Variants in GALNT5 observed in about 807,000 individuals in gnomAD.
GALNT5 encodes the protein UDP-GalNAc:polypeptide N-acetylgalactosaminyltransferase 5.
A neutral mutation model predicts 85.4 loss-of-function variants in GALNT5; 72 were observed. The ratio of observed to expected loss-of-function variants is 0.84; its 90% CI spans 0.70 to 1.03. The LOEUF is 1.03. GALNT5 is among the 50% of genes least tolerant of loss of function. The pLI is 0.00. For synonymous variants in GALNT5, 404 were observed against 397.0 expected, an observed-to-expected ratio of 1.02 and a Z score of -0.21; for missense variants, 1,137 against 1,135.5, an observed-to-expected ratio of 1.00 and a Z score of -0.02.
chr2:157,281,579 C>T (rs990345277), intron 1 of GALNT5, among the ~76,000 whole-genome samples: 3 of 151,972 alleles, frequency 2.0e-5, no homozygotes, highest in Non-Finnish European at 2.9e-5. Flanking sequence ...GGCATTCCCG[C>T]CTGGGTGACA....
chr2:157,262,131 A>C (rs1682354721), intron 1 of GALNT5, among the ~76,000 whole-genome samples: 1 of 151,686 alleles, frequency 6.6e-6, no homozygotes, highest in African/African-American at 2.4e-5. Context: ...TTTCCCCAAA[A>C]TCCACTGTTA....
chr2:157,290,804 G>T (rs4664865), intron 3 of GALNT5, among the ~76,000 whole-genome samples: 144,386 of 152,088 alleles, frequency 0.95, 68,636 homozygotes, highest in East Asian at 1. Context: ...CAGGGTATTA[G>T]GAGGCTCTCT....
chr2:157,292,981 C>A (rs930488019), intron 3 of GALNT5, among the ~76,000 whole-genome samples: 1 of 152,174 alleles, frequency 6.6e-6, no homozygotes, highest in African/African-American at 2.4e-5. Context: ...AGATTATAGG[C>A]GTGAGCCACC....
intron 5 of GALNT5, among the ~76,000 whole-genome samples, chr2:157,298,014 C>T (rs961851878): frequency 1.3e-5 from 2 of 152,124 alleles, no homozygotes; most frequent in African/African-American, 4.8e-5. Flanking sequence ...GCTGCTACTT[C>T]GATTGTTTTA....
Position 157,282,079 on chromosome 2 carries a change from A to G in GALNT5, c.1455-2203A>G, listed in dbSNP as rs58868937. Among the ~76,000 whole-genome samples the G allele has an allele frequency of 4.4e-3, 674 of 152,192 alleles. 5 individuals carry two copies. Among genetic ancestry groups the G allele is most frequent in the African/African-American group, 0.015 (633 of 41,488 alleles). On this transcript the variant is annotated intron_variant, in intron 1 of 9. Coordinates refer to ENST00000259056, the MANE Select transcript of GALNT5 (RefSeq NM_014568.3). ...CAGAAGTGCTAATGCATGGATCCTT[A>G]GTGTAGACTAATATTAGTTTAGACA...
intron 3 of GALNT5, among the ~76,000 whole-genome samples, chr2:157,291,253 G>A (rs762868830): frequency 6.6e-6 from 1 of 152,120 alleles, no homozygotes; most frequent in African/African-American, 2.4e-5. Flanking sequence ...TTCATGACAT[G>A]GCATTTGGCA....
chr2:157,289,852 A>C (rs1180942323), intron 3 of GALNT5, among the ~76,000 whole-genome samples: 1 of 152,060 alleles, frequency 6.6e-6, no homozygotes, highest in Non-Finnish European at 1.5e-5. Context: ...CAGGCAGATC[A>C]CCTGAAGTCA....
chr2:157,277,272 G>A (rs1682752210), intron 1 of GALNT5, among the ~76,000 whole-genome samples: 2 of 152,210 alleles, frequency 1.3e-5, no homozygotes, highest in African/African-American at 4.8e-5. Flanking sequence ...TAAGTGCGAT[G>A]TGGTGCTAAG....
At position 157,286,132 on chromosome 2, in the gene GALNT5, C is replaced by T. The variant is rs1682965161; in HGVS notation, c.1739C>T (p.Thr580Ile). 1 of 1,612,400 alleles carries T rather than the reference C, an allele frequency of 6.2e-7. No homozygotes were observed. Among genetic ancestry groups the T allele is most frequent in the Non-Finnish European group, 8.5e-7 (1 of 1,178,764 alleles). ...RARLAGAQNA[T>I]GDVLTFLDSH... ...AGGCTGGCAGGAGCACAGAATGCAA[C>T]AGGTAAGAAGTTACTCATTTTTTTG... is the stretch of plus-strand genomic sequence containing the variant. Residue 580 changes from threonine (T) to isoleucine (I), a missense_variant and splice_region_variant, in exon 3 of 10, where the codon ACA becomes ATA. Thr to Ile is a moderately conservative substitution (Grantham distance 89, BLOSUM62 -1). Coordinates refer to ENST00000259056, the MANE Select transcript of GALNT5 (RefSeq NM_014568.3).
rs1324061660 is a variant in GALNT5 at position 157,314,396 on chromosome 2, A to G, written c.*3048A>G. On this transcript the variant is annotated 3_prime_UTR_variant, in exon 10 of 10. Coordinates refer to ENST00000259056, the MANE Select transcript of GALNT5 (RefSeq NM_014568.3). The stretch of plus-strand genomic sequence containing the variant: ...TTCTGCCCTACTCTCTTGTAAGCTG[A>G]CACAGTTGTTGTTGGTACAATCTTG... Among the ~76,000 whole-genome samples, 1 of 152,178 alleles carries G rather than the reference A, an allele frequency of 6.6e-6. No individual in the cohort carries two copies. Among genetic ancestry groups the G allele is most frequent in the African/African-American group, 2.4e-5 (1 of 41,450 alleles).
At chr2:157,284,950 A>G (rs1360256733) in intron 2 of GALNT5, among the ~76,000 whole-genome samples, 1 of 152,238 alleles carries the variant, frequency 6.6e-6, no homozygotes, top group Non-Finnish European at 1.5e-5. Context: ...GGTGATTCCA[A>G]CAAAGTTCAA....
In GALNT5 at chr2:157,286,075, G is replaced by T; in HGVS notation, c.1682G>T (p.Arg561Leu). Residue 561 changes from arginine (R) to leucine (L), a missense_variant, in exon 3 of 10, where the codon CGC (arginine) becomes CTC (leucine). Arg to Leu is a moderately radical substitution (Grantham distance 102, BLOSUM62 -2). Coordinates refer to ENST00000259056, the MANE Select transcript of GALNT5 (RefSeq NM_014568.3). Reference sequence around the variant, plus strand: ...CAGTTTCCAAAAGTTCGGATTCTTCGCCTCAAAGAGAGACATGGCTTAATA... The same window carrying T: ...CAGTTTCCAAAAGTTCGGATTCTTCTCCTCAAAGAGAGACATGGCTTAATA... ...MSQFPKVRIL[R>L]LKERHGLIRA... 1 of 1,610,380 alleles carries T rather than the reference G, an allele frequency of 6.2e-7. No homozygotes were observed. Among genetic ancestry groups the T allele is most frequent in the Non-Finnish European group, 8.5e-7 (1 of 1,176,672 alleles).
chr2:157,308,693 C>CT lies in GALNT5; in HGVS notation c.2648dup (p.His884AlafsTer2). ...TAACAGAAACAAAGGGCTAAAATGGCTGCATAAATCAACATCAGTCTTTCA... is the reference window on the plus strand; with the variant it reads ...TAACAGAAACAAAGGGCTAAAATGGCTTGCATAAATCAACATCAGTCTTTCA... On this transcript the variant is annotated frameshift_variant, in exon 9 of 10. Transcript: ENST00000259056. LOFTEE classifies it high-confidence loss of function. 6.2e-7 allele frequency: 1 copy of CT among 1,613,190 alleles called. No individual in the cohort carries two copies.
At chr2:157,264,476 C>T (rs1301066719) in intron 1 of GALNT5, among the ~76,000 whole-genome samples, 1 of 152,142 alleles carries the variant, frequency 6.6e-6, no homozygotes, top group Non-Finnish European at 1.5e-5. Context: ...TAATGCTTTG[C>T]TTTCCCTACA....
intron 1 of GALNT5, among the ~76,000 whole-genome samples, chr2:157,267,335 G>A (rs1203619281): frequency 3.9e-5 from 6 of 152,158 alleles, no homozygotes; most frequent in African/African-American, 1.4e-4. Flanking sequence ...GGGCCAGTGG[G>A]AAACCGTTAA....
intron 5 of GALNT5, among the ~76,000 whole-genome samples, chr2:157,298,465 C>T (rs1288636561): frequency 6.6e-6 from 1 of 152,170 alleles, no homozygotes; most frequent in Non-Finnish European, 1.5e-5. Flanking sequence ...TTCATCTGCA[C>T]AGGGCGCCAA....
rs1172129689 is a variant in GALNT5 at position 157,258,007 on chromosome 2, G to GCTGCTT, written c.-71_-70insTCTGCT. The GCTGCTT allele has an allele frequency of 7.3e-6, 11 of 1,512,902 alleles. No homozygotes were observed. Among genetic ancestry groups the GCTGCTT allele is most frequent in the Non-Finnish European group, 8.2e-6 (9 of 1,100,892 alleles). 93.7% of individuals were successfully genotyped at this position (1,512,902 alleles called of 1,614,324 possible). On this transcript the variant is annotated 5_prime_UTR_variant, in exon 1 of 10. Coordinates refer to ENST00000259056, the MANE Select transcript of GALNT5 (RefSeq NM_014568.3). ...CAACTCTGCTGCTGCTGCTGCTGCT[G>GCTGCTT]CTGCTACTTCAGCTTCCTCTCCACT...
chr2:157,296,550 G>C (rs201564950), intron 5 of GALNT5, 37 bp downstream of exon 5: 22 of 1,527,172 alleles, frequency 1.4e-5, no homozygotes, highest in Non-Finnish European at 1.8e-5. Flanking sequence ...AAGCAGTCAT[G>C]TATCTTTTTG....
chr2:157,305,712 A>C (rs774355169), intron 7 of GALNT5, 37 bp from the exon 8 acceptor site: 2 of 1,159,524 alleles, frequency 1.7e-6, no homozygotes, highest in South Asian at 2.5e-5. Context: ...TTACTTTAAA[A>C]TATTTTGTAA....
Sources: allele counts gnomAD v4.1 joint callset (sites outside exome capture counted in the v4.1 genomes callset), GRCh38; gene constraint gnomAD v4.1.1; transcripts MANE v1.5; gene names NCBI Gene and HGNC (gene_info 2026-07-23, HGNC 2026-07-21).